The following SH3BP2 variants were observed in gnomAD, a reference collection of about 807,000 sequenced individuals.
SH3BP2 encodes the protein SH3 domain-binding protein 2.
SH3BP2 carries 38 observed loss-of-function variants against 56.2 expected under a neutral mutation model. The ratio of observed to expected loss-of-function variants is 0.68; its 90% CI spans 0.52 to 0.89. The LOEUF is 0.89. Among genes scored for constraint, SH3BP2 ranks in the 40% least tolerant of loss-of-function variants. SH3BP2 has a pLI of 0.00. For synonymous variants in SH3BP2, 346 were observed against 316.7 expected (o/e 1.09, Z -0.98); for missense variants, 748 against 762.6 (o/e 0.98, Z 0.23).
At position 2,824,186 on chromosome 4, in the gene SH3BP2, C is replaced by T. The variant is rs113659859; in HGVS notation, c.240-427C>T. On this transcript the variant is annotated intron_variant, in intron 3 of 12. Transcript: ENST00000503393. ...CCACATCCTGGCTGTGTGAGTGGGC[C>T]GCAGAGCAGGCACGAGTCATTCCCT... is the stretch of plus-strand genomic sequence containing the variant. Among the ~76,000 whole-genome samples, 285 of 152,300 alleles carry T rather than the reference C, an allele frequency of 1.9e-3. 1 individual carries two copies. The highest frequency in any genetic ancestry group is 6.1e-3 in the African/African-American group (255 of 41,562).
intron 7 of SH3BP2, among the ~76,000 whole-genome samples, chr4:2,828,740 C>T (rs1724809379): frequency 6.6e-6 from 1 of 152,228 alleles, no homozygotes; most frequent in Non-Finnish European, 1.5e-5. Flanking sequence ...CCCCTTCATC[C>T]TCTCCCCGAG....
intron 1 of SH3BP2, chr4:2,818,169 C>A: frequency 1.0e-6 from 1 of 975,272 alleles, no homozygotes; most frequent in Non-Finnish European, 1.2e-6. Flanking sequence ...CCTGCCCGCC[C>A]AGTCCCCCGC....
rs538128061 is a variant in SH3BP2 at position 2,826,971 on chromosome 4, GTGTT to G, written c.429-255_429-252del. On this transcript the variant is annotated intron_variant, in intron 5 of 12. Coordinates refer to ENST00000503393, the MANE Select transcript of SH3BP2 (RefSeq NM_001122681.2). ...CTTGTGTGTGCACGTGTGCATTTGT[GTGTT>G]TGTCAGAGTATGTGTGCATGTGTGT... The G allele has an allele frequency of 2.0e-3, 1,318 of 649,964 alleles. 20 individuals are homozygous for G. Among genetic ancestry groups the G allele is most frequent in the South Asian group, 0.016 (1,042 of 66,206 alleles). 40.3% of individuals were successfully genotyped at this position (649,964 alleles called of 1,614,324 possible). A position where few individuals can be genotyped will look rare whatever the true frequency, so the allele number is the denominator to read the frequency against.
intron 5 of SH3BP2, 74 bp from the exon 6 acceptor site, chr4:2,827,156 T>C (rs946643767): frequency 8.4e-7 from 1 of 1,184,396 alleles, no homozygotes; most frequent in Non-Finnish European, 1.3e-6. Flanking sequence ...TGCCTGTGTG[T>C]ACCTTTGTGT....
chr4:2,797,500 T>G (rs1048192322), intron 1 of SH3BP2, among the ~76,000 whole-genome samples: 12 of 152,192 alleles, frequency 7.9e-5, no homozygotes, highest in Non-Finnish European at 1.8e-4. Context: ...CAGGTGCCCA[T>G]GGGTAGCAGC....
At chr4:2,832,306 C>T (rs370184285) in intron 10 of SH3BP2, 25 bp from the exon 11 acceptor site, 36 of 1,595,770 alleles carry the variant, frequency 2.3e-5, no homozygotes, top group Admixed American at 1.5e-4. Flanking sequence ...AGGACTCACC[C>T]GCTAATATGA....
chr4:2,800,762 C>T (rs1723241601), intron 1 of SH3BP2, among the ~76,000 whole-genome samples: 1 of 152,140 alleles, frequency 6.6e-6, no homozygotes, highest in Admixed American at 6.5e-5. Context: ...GGAGCGCCAT[C>T]CCCAGGGAGC....
At chr4:2,832,197 C>T in intron 10 of SH3BP2, 134 bp from the exon 11 acceptor site, 1 of 1,003,920 alleles carries the variant, frequency 1.0e-6, no homozygotes, top group Non-Finnish European at 1.6e-6. Flanking sequence ...AGCCTCACGG[C>T]AGCCCGACGT....
rs1723695970 is a variant in SH3BP2, at chr4:2,810,354, G to A, written c.-4-10260G>A. Among the ~76,000 whole-genome samples, 1 of 151,582 alleles carries A rather than the reference G, an allele frequency of 6.6e-6. No individual in the cohort carries two copies. Among genetic ancestry groups the A allele is most frequent in the Non-Finnish European group, 1.5e-5 (1 of 67,910 alleles). On this transcript the variant is annotated intron_variant, in intron 1 of 12. Transcript: ENST00000503393. The surrounding 1 kb of genome is among the most constrained non-coding windows in gnomAD (Gnocchi z 4.2). ...TCACAGCATTGGACCAGGGCTGTGG[G>A]GGGAATGGGCCTGGGCCAGGGTCAG...
Position 2,833,820 on chromosome 4 carries a change from A to G in SH3BP2, c.1672A>G (p.Thr558Ala). ...GCTGCTGCGGCACCCCTACGGCTAC[A>G]CTGGGCCTAGGTGATGGCAGTCCAT... ...SLLLRHPYGY[T>A]GPR The change falls in exon 13 of 13, where the codon ACT (threonine) becomes GCT (alanine). Residue 558 changes from threonine (T) to alanine (A), a missense_variant. Physicochemically the swap from Thr to Ala is moderately conservative, Grantham distance 58 (BLOSUM62 0). Transcript: ENST00000503393. 6.3e-6 allele frequency: 10 copies of G among 1,577,358 alleles called. No individual in the cohort carries two copies. Among genetic ancestry groups the G allele is most frequent in the Non-Finnish European group, 8.6e-6 (10 of 1,162,146 alleles).
At chr4:2,820,569 C>T (rs755083976) in intron 1 of SH3BP2, 45 bp from the exon 2 acceptor site, 4 of 1,613,582 alleles carry the variant, frequency 2.5e-6, no homozygotes, top group Non-Finnish European at 2.5e-6. Flanking sequence ...CAGCCATCTC[C>T]TGCCTGACCG....
At chr4:2,827,778 G>T in intron 7 of SH3BP2, 104 bp downstream of exon 7, 1 of 945,044 alleles carries the variant, frequency 1.1e-6, no homozygotes, top group Admixed American at 2.0e-5. Context: ...CCCAGGTACC[G>T]CTCTGGGTGG....
intron 12 of SH3BP2, 82 bp downstream of exon 12, chr4:2,833,131 G>C: frequency 7.7e-7 from 1 of 1,296,042 alleles, no homozygotes; most frequent in South Asian, 1.2e-5. Flanking sequence ...ATGAGGCATA[G>C]GCAGCGGGTA....
intron 1 of SH3BP2, chr4:2,818,637 C>T: frequency 1.2e-6 from 1 of 843,478 alleles, no homozygotes. Context: ...GGGCTCCCTC[C>T]TCCATCCCCA....
At position 2,834,048 on chromosome 4, in the gene SH3BP2, A is replaced by C. The variant is rs1184568983; in HGVS notation, c.*214A>C. The C allele has an allele frequency of 3.3e-6, 2 of 597,978 alleles. No homozygotes were observed. The highest frequency in any genetic ancestry group is 3.7e-5 in the African/African-American group (2 of 53,698). The allele number at this position is 597,978 out of a possible 1,614,324, so 37.0% of individuals were successfully genotyped here. On this transcript the variant is annotated 3_prime_UTR_variant, in exon 13 of 13. Transcript: ENST00000503393. Reference sequence around the variant, plus strand: ...GCGCCAGGCTCCAGAGGACGAAGGGACTCTGTTGCCCCACACTAACTTGCC... The same window carrying C: ...GCGCCAGGCTCCAGAGGACGAAGGGCCTCTGTTGCCCCACACTAACTTGCC...
rs573274008 is a variant in SH3BP2 at position 2,816,559 on chromosome 4, T to G, written c.-4-4055T>G. On this transcript the variant is annotated intron_variant, in intron 1 of 12. Transcript: ENST00000503393. ...GGAAAAACTTTCAGTCTTTTACCAC[T>G]AGGTATGTTAGCTGTGGGTTTTTCA... Among the ~76,000 whole-genome samples, 116 of 152,386 alleles carry G rather than the reference T, an allele frequency of 7.6e-4. 2 individuals are homozygous for G. Among genetic ancestry groups the G allele is most frequent in the Admixed American group, 2.7e-3 (41 of 15,310 alleles).
At chr4:2,827,373 C>T (rs1019688498) in intron 6 of SH3BP2, 55 bp downstream of exon 6, 149 of 1,500,276 alleles carry the variant, frequency 9.9e-5, no homozygotes, top group Non-Finnish European at 1.3e-4. Context: ...CTGGCCTCCT[C>T]TTGGCCGCTG....
intron 1 of SH3BP2, among the ~76,000 whole-genome samples, chr4:2,799,622 A>G (rs1457401605): frequency 1.3e-5 from 2 of 152,186 alleles, no homozygotes; most frequent in Non-Finnish European, 2.9e-5. Context: ...GCTGGCATCA[A>G]GGGGACAGCT....
chr4:2,828,154 C>G (rs768411965), intron 7 of SH3BP2, among the ~76,000 whole-genome samples: 1 of 152,070 alleles, frequency 6.6e-6, no homozygotes, highest in Admixed American at 6.5e-5. Context: ...GACGGAAGCA[C>G]GAGCTGGGTG....
Sources: gnomAD v4.1 joint callset for allele counts (sites outside exome capture counted in the v4.1 genomes callset) on GRCh38, gnomAD v4.1.1 for gene constraint, Gnocchi (gnomAD v3.1) non-coding constraint, MANE v1.5 for transcripts, NCBI Gene and HGNC (gene_info 2026-07-23, HGNC 2026-07-21) for gene names.